TMEM65: variants seen among roughly 807,000 people sequenced by gnomAD.
TMEM65 encodes the protein transmembrane protein 65.
TMEM65 carries 22 observed loss-of-function variants against 25.4 expected under a neutral mutation model. The ratio of observed to expected loss-of-function variants is 0.86; its 90% CI spans 0.62 to 1.23. The LOEUF is 1.23. Among genes scored for constraint, TMEM65 ranks in the 50% most tolerant of loss-of-function variants. TMEM65 has a pLI of 0.00. For synonymous variants in TMEM65, 132 were observed against 126.2 expected (o/e 1.05, Z -0.31); for missense variants, 262 against 308.2 (o/e 0.85, Z 1.12).
In TMEM65 at chr8:124,310,716, A is replaced by T. The variant is rs190367600; in HGVS notation, c.*3244T>A. ...ATCATCATCATCTCAGTCAGGATCC[A>T]AAGCCAATTTTTTAGTATTTCCCAA... On this transcript the variant is annotated 3_prime_UTR_variant, in exon 7 of 7. Coordinates refer to ENST00000297632, the MANE Select transcript of TMEM65 (RefSeq NM_194291.3). 3 of 152,282 alleles carry T rather than the reference A, an allele frequency of 2.0e-5. No individual in the cohort carries two copies. Among genetic ancestry groups the T allele is most frequent in the African/African-American group, 7.2e-5 (3 of 41,570 alleles). The allele number at this position is 152,282 out of a possible 1,614,324, so 9.4% of individuals were successfully genotyped here. A position where few individuals can be genotyped will look rare whatever the true frequency, so the allele number is the denominator to read the frequency against.
rs1189167469 is a variant in TMEM65 at position 124,307,576 on chromosome 8, A to G, written c.*6384T>C. On this transcript the variant is annotated 3_prime_UTR_variant, in exon 7 of 7. Transcript: ENST00000297632. ...ACTTTTATGTGGGTGCAGTATTGCTACAAGAAAGACGTACCTATAGGCTCT... is the reference window on the plus strand; with the variant it reads ...ACTTTTATGTGGGTGCAGTATTGCTGCAAGAAAGACGTACCTATAGGCTCT... 2 of 152,146 alleles carry G rather than the reference A, an allele frequency of 1.3e-5. No individual in the cohort carries two copies. Among genetic ancestry groups the G allele is most frequent in the Non-Finnish European group, 2.9e-5 (2 of 68,038 alleles). 9.4% of individuals were successfully genotyped at this position (152,146 alleles called of 1,614,324 possible). A position where few individuals can be genotyped will look rare whatever the true frequency, so the allele number is the denominator to read the frequency against.
At chr8:124,351,003 C>T (rs1294556099) in intron 1 of TMEM65, 11 of 985,110 alleles carry the variant, frequency 1.1e-5, no homozygotes, top group Non-Finnish European at 1.2e-5. Context: ...AGATGCTTCA[C>T]TACTTGCAAT....
intron 1 of TMEM65, among the ~76,000 whole-genome samples, chr8:124,342,936 G>A (rs1191410631): frequency 1.3e-5 from 2 of 152,214 alleles, no homozygotes; most frequent in East Asian, 3.9e-4. Flanking sequence ...TTATATAGAA[G>A]CTTTCTGATT....
At chr8:124,331,404 ATAT>A (rs1364405941) in intron 1 of TMEM65, among the ~76,000 whole-genome samples, 7 of 148,120 alleles carry the variant, frequency 4.7e-5, no homozygotes, top group Non-Finnish European at 8.9e-5. Flanking sequence ...TATATAAGAT[ATAT>A]TATATTGATA....
At position 124,371,351 on chromosome 8, in the gene TMEM65, C is replaced by T. The variant is rs185627916; in HGVS notation, c.304+503G>A. On this transcript the variant is annotated intron_variant, in intron 1 of 6. Coordinates refer to ENST00000297632, the MANE Select transcript of TMEM65 (RefSeq NM_194291.3). ...GCATCCCTGACTTTCGAAGCTACACCCCTTCTTTTGGCTACCCACCCATAC... is the reference window on the plus strand; with the variant it reads ...GCATCCCTGACTTTCGAAGCTACACTCCTTCTTTTGGCTACCCACCCATAC... Among the ~76,000 whole-genome samples the T allele has an allele frequency of 9.5e-3, 1,444 of 152,266 alleles. 31 individuals carry two copies. Among genetic ancestry groups the T allele is most frequent in the Middle Eastern group, 0.017 (5 of 294 alleles).
In TMEM65 at chr8:124,322,142, C is replaced by T; in HGVS notation, c.478G>A (p.Ala160Thr). ...AGATCTGACACAAGATTTCCCAAAG[C>T]AGCAGCTAAAAATTTGAAAAATAAA... ...ILGISTMAAA[A>T]LGNLVSDLAG... The change falls in exon 5 of 7, where the codon GCT becomes ACT. Residue 160 changes from alanine to threonine, a missense_variant. By Grantham distance (58) the Ala-to-Thr change is moderately conservative. Transcript: ENST00000297632. 6.2e-7 allele frequency: 1 copy of T among 1,607,550 alleles called. No individual in the cohort carries two copies. The highest frequency in any genetic ancestry group is 8.5e-7 in the Non-Finnish European group (1 of 1,176,356).
intron 1 of TMEM65, among the ~76,000 whole-genome samples, chr8:124,359,079 G>A (rs749071584): frequency 5.3e-5 from 8 of 152,208 alleles, no homozygotes; most frequent in Non-Finnish European, 8.8e-5. Context: ...GTAGTAAATG[G>A]CAACACTGCC....
intron 1 of TMEM65, among the ~76,000 whole-genome samples, chr8:124,360,747 TGCCCAGCTAACAATTGCTTA>T (rs1282317008): frequency 6.6e-5 from 10 of 152,220 alleles, no homozygotes; most frequent in African/African-American, 2.4e-4. Context: ...AATTTAGGGT[TGCCCAGCTAACAATTGCTTA>T]GGGCAATGAA....
intron 4 of TMEM65, 140 bp from the exon 5 acceptor site, chr8:124,322,287 GCT>G: frequency 1.8e-6 from 1 of 549,618 alleles, no homozygotes; most frequent in East Asian, 3.3e-5. Flanking sequence ...TCATTGGACA[GCT>G]CTTACTCTCA....
rs1405268264 is a variant in TMEM65 at position 124,309,911 on chromosome 8, C to T, written c.*4049G>A. On this transcript the variant is annotated 3_prime_UTR_variant, in exon 7 of 7. Coordinates refer to ENST00000297632, the MANE Select transcript of TMEM65 (RefSeq NM_194291.3). ...ACTAAAAATACAAAAAAATTAGGCT[C>T]GGTGGCACGTGCCTGTAATCCCAGC... 1.3e-5 allele frequency: 2 copies of T among 151,592 alleles called. No individual in the cohort carries two copies. Among genetic ancestry groups the T allele is most frequent in the African/African-American group, 2.4e-5 (1 of 41,210 alleles). The allele number at this position is 151,592 out of a possible 1,614,324, so 9.4% of individuals were successfully genotyped here.
chr8:124,371,745 G>C (rs893190852), intron 1 of TMEM65, 109 bp downstream of exon 1: 2 of 1,108,000 alleles, frequency 1.8e-6, no homozygotes, highest in African/African-American at 3.3e-5. Flanking sequence ...GGCGGAAGGG[G>C]GGCGGCGGCG....
intron 1 of TMEM65, among the ~76,000 whole-genome samples, chr8:124,367,833 A>G (rs1814958855): frequency 6.6e-6 from 1 of 151,714 alleles, no homozygotes; most frequent in Non-Finnish European, 1.5e-5. Context: ...AAAGCACACA[A>G]TTACCACTCA....
In TMEM65 at chr8:124,372,678, G is replaced by GCTACCC. The variant is rs1305562095; in HGVS notation, c.-527_-522dup. 1.8e-5 allele frequency: 3 copies of GCTACCC among 164,070 alleles called. No homozygotes were observed. Among genetic ancestry groups the GCTACCC allele is most frequent in the South Asian group, 1.4e-4 (1 of 7,154 alleles). The allele number at this position is 164,070 out of a possible 1,614,324, so 10.2% of individuals were successfully genotyped here. On this transcript the variant is annotated 5_prime_UTR_variant, in exon 1 of 7. Transcript: ENST00000297632. ...CCGAGCCGCAGCCGCCGCCGCCGCC[G>GCTACCC]CTACCCCTAGCGGCAGCAGAAGTGG... is the stretch of plus-strand genomic sequence containing the variant.
intron 1 of TMEM65, among the ~76,000 whole-genome samples, chr8:124,348,829 A>G (rs902338515): frequency 3.3e-5 from 5 of 152,344 alleles, no homozygotes; most frequent in African/African-American, 1.2e-4. Flanking sequence ...ATTTGCCAGT[A>G]GTTCTCAATA....
At chr8:124,321,957 T>C in intron 5 of TMEM65, 148 bp downstream of exon 5, 2 of 647,980 alleles carry the variant, frequency 3.1e-6, no homozygotes, top group Non-Finnish European at 5.3e-6. Flanking sequence ...TTAGTACTAT[T>C]AGTTTAGAAA....
rs564708910 is a variant in TMEM65, at chr8:124,357,151, G to GT, written c.304+14702dup. Among the ~76,000 whole-genome samples, 9 of 150,708 alleles carry GT rather than the reference G, an allele frequency of 6.0e-5. No homozygotes were observed. In the East Asian group the frequency reaches 1.2e-3, roughly 20 times the overall value. On this transcript the variant is annotated intron_variant, in intron 1 of 6. Transcript: ENST00000297632. The stretch of plus-strand genomic sequence containing the variant: ...CTGTTCTCTTCCAATAAACACTGGT[G>GT]TTTTTCAGCATTTTCTCCTGGGATC...
intron 2 of TMEM65, among the ~76,000 whole-genome samples, chr8:124,329,102 A>C (rs1410715598): frequency 1.6e-5 from 2 of 124,948 alleles, no homozygotes; most frequent in Non-Finnish European, 1.7e-5. Context: ...AAAATGTCCA[A>C]GATCAAGGAC....
chr8:124,370,350 T>A (rs1036477658), intron 1 of TMEM65, among the ~76,000 whole-genome samples: 6 of 152,198 alleles, frequency 3.9e-5, no homozygotes, highest in African/African-American at 1.2e-4. Context: ...GTTCAAATAG[T>A]CTTGTCAGTG....
intron 1 of TMEM65, among the ~76,000 whole-genome samples, chr8:124,344,208 G>T (rs1814616836): frequency 6.6e-6 from 1 of 152,112 alleles, no homozygotes; most frequent in South Asian, 2.1e-4. Context: ...TGTGGTTTAG[G>T]GATTCTAATG....
Sources: gnomAD v4.1 joint callset for allele counts (sites outside exome capture counted in the v4.1 genomes callset) on GRCh38, gnomAD v4.1.1 for gene constraint, MANE v1.5 for transcripts, NCBI Gene and HGNC (gene_info 2026-07-23, HGNC 2026-07-21) for gene names.